Variants in DRGX observed in about 807,000 individuals in gnomAD.
DRGX encodes dorsal root ganglia homeobox, also known as dorsal root ganglia homeobox protein.
A neutral mutation model predicts 28.6 loss-of-function variants in DRGX; 21 were observed. The ratio of observed to expected loss-of-function variants is 0.73; its 90% CI spans 0.52 to 1.06. The LOEUF is 1.06. DRGX is among the 50% of genes least tolerant of loss of function. The probability of loss-of-function intolerance (pLI) is 0.00; values close to 1 mark genes in which losing one functional copy is unlikely to be tolerated. For synonymous variants in DRGX, 136 were observed against 139.1 expected, an observed-to-expected ratio of 0.98 and a Z score of 0.16; for missense variants, 354 against 343.9, an observed-to-expected ratio of 1.03 and a Z score of -0.23.
rs1849597201 is a variant in DRGX at position 49,366,176 on chromosome 10, A to G, written c.732T>C (p.Asp244=). The change falls in exon 7 of 7, where the codon GAT becomes GAC. Residue 244 remains aspartate (D), a synonymous_variant. Transcript: ENST00000374139. ...PGPVAKPAPP[D]GSQEKTSPTK... ...TGGGAGAGGTCTTTTCCTGGCTGCC[A>G]TCTGGGGGCGCCGGCTTGGCGACAG... The G allele has an allele frequency of 1.2e-6, 2 of 1,612,604 alleles. No individual in the cohort carries two copies. Among genetic ancestry groups the G allele is most frequent in the African/African-American group, 2.7e-5 (2 of 75,028 alleles).
intron 2 of DRGX, among the ~76,000 whole-genome samples, chr10:49,392,673 A>C (rs1283011240): frequency 6.6e-6 from 1 of 152,246 alleles, no homozygotes; most frequent in East Asian, 1.9e-4. Context: ...GTACATGCAG[A>C]ATCTTTAAGT....
At chr10:49,392,082 C>T (rs1477738507) in intron 2 of DRGX, among the ~76,000 whole-genome samples, 1 of 152,198 alleles carries the variant, frequency 6.6e-6, no homozygotes, top group Non-Finnish European at 1.5e-5. Context: ...AGTTTGGCCC[C>T]AAATGTGCAT....
At chr10:49,370,195 T>A (rs143798477) in intron 6 of DRGX, among the ~76,000 whole-genome samples, 5,340 of 152,136 alleles carry the variant, frequency 0.035, 255 homozygotes, top group African/African-American at 0.11. Flanking sequence ...ACCTGAGGTC[T>A]GGAGTTCGAG....
intron 6 of DRGX, 40 bp downstream of exon 6, chr10:49,386,438 A>G (rs1323452684): frequency 1.2e-5 from 18 of 1,480,074 alleles, no homozygotes; most frequent in Non-Finnish European, 1.6e-5. Context: ...CACCAACCCC[A>G]TGAGGCCACG....
chr10:49,391,319 C>T (rs1849902552), intron 2 of DRGX, 58 bp from the exon 3 acceptor site: 3 of 1,463,104 alleles, frequency 2.1e-6, no homozygotes, highest in African/African-American at 1.4e-5. Context: ...TCAGACCGCC[C>T]CCAGACACAG....
At chr10:49,369,946 C>G (rs1237874503) in intron 6 of DRGX, among the ~76,000 whole-genome samples, 1 of 152,046 alleles carries the variant, frequency 6.6e-6, no homozygotes, top group Non-Finnish European at 1.5e-5. Flanking sequence ...AGTCCCACGT[C>G]CATGGGGCTG....
intron 6 of DRGX, among the ~76,000 whole-genome samples, chr10:49,379,146 G>C (rs981231865): frequency 1.3e-5 from 2 of 152,162 alleles, no homozygotes; most frequent in African/African-American, 4.8e-5. Flanking sequence ...AAACACTTCT[G>C]GTCCAACCAC....
intron 6 of DRGX, among the ~76,000 whole-genome samples, chr10:49,379,088 CT>C (rs1168250695): frequency 6.6e-6 from 1 of 152,128 alleles, no homozygotes; most frequent in African/African-American, 2.4e-5. Context: ...TGCTCAACCA[CT>C]AAGTAAAATG....
intron 6 of DRGX, among the ~76,000 whole-genome samples, chr10:49,374,298 A>C (rs1849694896): frequency 6.6e-6 from 1 of 152,188 alleles, no homozygotes; most frequent in African/African-American, 2.4e-5. Context: ...CTCCGCCTGC[A>C]CTCAGGGTAT....
rs1475214480 is a variant in DRGX at position 49,386,694 on chromosome 10, C to T, written c.399G>A (p.Leu133=). The T allele has an allele frequency of 2.5e-6, 4 of 1,580,630 alleles. No homozygotes were observed. Among genetic ancestry groups the T allele is most frequent in the Non-Finnish European group, 2.6e-6 (3 of 1,164,622 alleles). The change falls in exon 5 of 7, where the codon CTG becomes CTA. Residue 133 remains leucine, a synonymous_variant. Coordinates refer to ENST00000374139, the MANE Select transcript of DRGX (RefSeq NM_001276451.2). The part of the protein sequence containing the change: ...GDQARSKKEA[L]EAQQSLGRTV... ...CACAGCCTCACCTCTGCTGGGCCTCCAGCGCCTCCTTCTTACTCCGGGCTT... is the reference window on the plus strand; with the variant it reads ...CACAGCCTCACCTCTGCTGGGCCTCTAGCGCCTCCTTCTTACTCCGGGCTT...
chr10:49,380,176 C>T lies in DRGX; in HGVS notation c.526+6302G>A, dbSNP rs1259445823. Among the ~76,000 whole-genome samples, 4 of 152,236 alleles carry T rather than the reference C, an allele frequency of 2.6e-5. No homozygotes were observed. The East Asian group carries it at 7.7e-4, about 29-fold the overall frequency. On this transcript the variant is annotated intron_variant, in intron 6 of 6. Coordinates refer to ENST00000374139, the MANE Select transcript of DRGX (RefSeq NM_001276451.2). ...GCCCAGTGCAGGGGGGTGGCTGTGA[C>T]TCCTGCAGCATGAGCGTGCAGTGAG...
chr10:49,379,568 A>G (rs1241929816), intron 6 of DRGX, among the ~76,000 whole-genome samples: 4 of 152,226 alleles, frequency 2.6e-5, no homozygotes, highest in African/African-American at 9.6e-5. Context: ...CGCTATGGCC[A>G]ATACAGCCCT....
intron 6 of DRGX, among the ~76,000 whole-genome samples, chr10:49,378,766 G>A (rs761235720): frequency 2.0e-5 from 3 of 152,124 alleles, no homozygotes; most frequent in Non-Finnish European, 4.4e-5. Flanking sequence ...AAGAATCTAT[G>A]ACTAAACCTA....
At chr10:49,371,602 G>A (rs1849660011) in intron 6 of DRGX, among the ~76,000 whole-genome samples, 1 of 152,018 alleles carries the variant, frequency 6.6e-6, no homozygotes, top group African/African-American at 2.4e-5. Flanking sequence ...GACCAGCCTG[G>A]TCAACATGGT....
intron 2 of DRGX, among the ~76,000 whole-genome samples, chr10:49,392,755 C>A (rs536454016): frequency 6.6e-6 from 1 of 151,966 alleles, no homozygotes; most frequent in Non-Finnish European, 1.5e-5. Context: ...GATTGACAAC[C>A]TAATAGAAAA....
At chr10:49,368,829 T>A (rs1849626087) in intron 6 of DRGX, among the ~76,000 whole-genome samples, 2 of 152,254 alleles carry the variant, frequency 1.3e-5, no homozygotes, top group South Asian at 2.1e-4. Flanking sequence ...AGAAACATAA[T>A]GTTAATTTTA....
chr10:49,376,444 A>T (rs768533465), intron 6 of DRGX, among the ~76,000 whole-genome samples: 1 of 152,114 alleles, frequency 6.6e-6, no homozygotes, highest in Admixed American at 6.5e-5. Flanking sequence ...CTGTCCACAC[A>T]CCATGAACCC....
At position 49,391,224 on chromosome 10, in the gene DRGX, A is replaced by G; in HGVS notation, c.72T>C (p.Phe24=). 6.2e-7 allele frequency: 1 copy of G among 1,612,304 alleles called. No individual in the cohort carries two copies. The highest frequency in any genetic ancestry group is 1.6e-4 in the Middle Eastern group (1 of 6,062). Residue 24 remains phenylalanine, a synonymous_variant, in exon 3 of 7, where the codon TTT becomes TTC. Transcript: ENST00000374139. Reference sequence around the variant, plus strand: ...GTTTTCTACGCAGAAACCCGTCATCAAAATCCCCCGAAGAGTGATTGCCAA... The same window carrying G: ...GTTTTCTACGCAGAAACCCGTCATCGAAATCCCCCGAAGAGTGATTGCCAA... ...ATFGNHSSGD[F]DDGFLRRKQR... is the part of the protein sequence containing the mutation.
At chr10:49,380,553 T>C (rs562890551) in intron 6 of DRGX, among the ~76,000 whole-genome samples, 28 of 152,316 alleles carry the variant, frequency 1.8e-4, no homozygotes, top group African/African-American at 6.5e-4. Context: ...TGCTCTCTTC[T>C]TATTTGAGAG....
Sources: gnomAD v4.1 joint callset for allele counts (sites outside exome capture counted in the v4.1 genomes callset) on GRCh38, gnomAD v4.1.1 for gene constraint, MANE v1.5 for transcripts, NCBI Gene and HGNC (gene_info 2026-07-23, HGNC 2026-07-21) for gene names.